Variants in ADAMTSL3 observed in about 807,000 individuals in gnomAD.
ADAMTSL3 encodes the protein ADAMTS-like protein 3.
ADAMTSL3 carries 128 observed loss-of-function variants against 201.7 expected under a neutral mutation model. The observed-to-expected ratio is 0.63, with a 90% CI of 0.55 to 0.73. ADAMTSL3 has a LOEUF of 0.73. Ranked by LOEUF, ADAMTSL3 falls within the 30% of genes least tolerant of loss-of-function variation. The pLI is 0.00. For synonymous variants in ADAMTSL3, 738 were observed against 748.4 expected, an observed-to-expected ratio of 0.99 and a Z score of 0.23; for missense variants, 1,990 against 2,119.6, an observed-to-expected ratio of 0.94 and a Z score of 1.20.
chr15:83,943,394 G>A (rs1280367732), intron 19 of ADAMTSL3, among the ~76,000 whole-genome samples: 1 of 152,118 alleles, frequency 6.6e-6, no homozygotes, highest in Non-Finnish European at 1.5e-5. Flanking sequence ...AATCACTTTG[G>A]TTCCTCTCTT....
At chr15:83,695,914 T>C (rs2061682357) in intron 2 of ADAMTSL3, among the ~76,000 whole-genome samples, 1 of 142,908 alleles carries the variant, frequency 7.0e-6, no homozygotes, top group Admixed American at 7.6e-5. Flanking sequence ...ATGTACATCA[T>C]GGTTTTTTTT....
chr15:83,870,728 A>G lies in ADAMTSL3; in HGVS notation c.803-74A>G, dbSNP rs1329638375. Reference sequence around the variant, plus strand: ...TTTTGATATCATATACTGACATTGTATTTGCTAAAATGTCTTTTGTAATAA... The same window carrying G: ...TTTTGATATCATATACTGACATTGTGTTTGCTAAAATGTCTTTTGTAATAA... On this transcript the variant is annotated intron_variant, in intron 8 of 29. Transcript: ENST00000286744. 3.1e-6 allele frequency: 4 copies of G among 1,280,276 alleles called. No individual in the cohort carries two copies. The African/African-American group carries it at 4.6e-5, about 15-fold the overall frequency. 79.3% of individuals were successfully genotyped at this position (1,280,276 alleles called of 1,614,324 possible).
At chr15:83,993,162 G>A (rs1005304629) in intron 23 of ADAMTSL3, among the ~76,000 whole-genome samples, 2 of 152,204 alleles carry the variant, frequency 1.3e-5, no homozygotes, top group Admixed American at 6.5e-5. Context: ...GAGTTTTCTA[G>A]GGAAATTCAT....
At chr15:83,926,049 TAAAC>T (rs1257958560) in intron 17 of ADAMTSL3, among the ~76,000 whole-genome samples, 3 of 152,190 alleles carry the variant, frequency 2.0e-5, no homozygotes, top group Non-Finnish European at 4.4e-5. Context: ...AGATGTTAAA[TAAAC>T]AGCGTCTCAA....
chr15:83,980,833 C>T (rs924523930), intron 20 of ADAMTSL3, among the ~76,000 whole-genome samples: 3 of 152,208 alleles, frequency 2.0e-5, no homozygotes, highest in Non-Finnish European at 4.4e-5. Flanking sequence ...CTTCAAAGGG[C>T]TCATGAGGCG....
At chr15:83,891,494 C>A (rs1262428172) in intron 12 of ADAMTSL3, 115 bp downstream of exon 12, 1 of 855,878 alleles carries the variant, frequency 1.2e-6, no homozygotes. Flanking sequence ...CTTTATAGAG[C>A]TAAGGGAAAA....
At chr15:83,836,642 A>G (rs1567178880) in intron 6 of ADAMTSL3, among the ~76,000 whole-genome samples, 1 of 152,212 alleles carries the variant, frequency 6.6e-6, no homozygotes, top group Non-Finnish European at 1.5e-5. Context: ...AAATAATAAC[A>G]TTGGCCCTTT....
intron 3 of ADAMTSL3, among the ~76,000 whole-genome samples, chr15:83,767,266 T>A (rs1230931246): frequency 6.6e-6 from 1 of 152,190 alleles, no homozygotes; most frequent in Non-Finnish European, 1.5e-5. Flanking sequence ...TGTGCATTAA[T>A]AATGGTTAAC....
At chr15:83,858,924 C>A in intron 8 of ADAMTSL3, 84 bp downstream of exon 8, 2 of 1,210,572 alleles carry the variant, frequency 1.7e-6, no homozygotes, top group Non-Finnish European at 2.4e-6. Context: ...AACCCACAAA[C>A]CAAACCAACA....
chr15:83,791,780 A>T (rs1399131005), intron 4 of ADAMTSL3, among the ~76,000 whole-genome samples: 1 of 151,962 alleles, frequency 6.6e-6, no homozygotes, highest in East Asian at 1.9e-4. Flanking sequence ...GAATGGCGTG[A>T]ACCCAGGAGG....
At chr15:83,836,229 T>TA (rs2064265568) in intron 6 of ADAMTSL3, among the ~76,000 whole-genome samples, 1 of 152,196 alleles carries the variant, frequency 6.6e-6, no homozygotes, top group African/African-American at 2.4e-5. Flanking sequence ...AGAGATCTCC[T>TA]AGACTATGAT....
At chr15:83,752,426 A>G (rs544597291) in intron 3 of ADAMTSL3, among the ~76,000 whole-genome samples, 1 of 152,330 alleles carries the variant, frequency 6.6e-6, no homozygotes, top group South Asian at 2.1e-4. Flanking sequence ...TAAATGATTA[A>G]TTTAATGTGT....
intron 6 of ADAMTSL3, among the ~76,000 whole-genome samples, chr15:83,829,820 C>T (rs534881380): frequency 5.9e-5 from 9 of 152,230 alleles, no homozygotes; most frequent in African/African-American, 2.2e-4. Context: ...GTTCAGTTTC[C>T]ATGTAGTTGA....
At chr15:83,933,305 A>G (rs900856266) in intron 17 of ADAMTSL3, among the ~76,000 whole-genome samples, 1 of 152,246 alleles carries the variant, frequency 6.6e-6, no homozygotes, top group Admixed American at 6.5e-5. Flanking sequence ...AAAAGAAAAC[A>G]AGAGGTGGCA....
At position 84,036,723 on chromosome 15, in the gene ADAMTSL3, C is replaced by T. The variant is rs143968952; in HGVS notation, c.4755-50C>T. The T allele has an allele frequency of 1.8e-5, 26 of 1,481,194 alleles. No individual in the cohort carries two copies. The East Asian group carries it at 6.0e-4, about 34-fold the overall frequency. The allele number at this position is 1,481,194 out of a possible 1,614,324, so 91.8% of individuals were successfully genotyped here. ...CTTGGTCCCAGCAAAAAGTTACACC[C>T]TGCCTCTCCTATTTTTTGTTTTTCC... On this transcript the variant is annotated intron_variant, in intron 28 of 29. Transcript: ENST00000286744.
chr15:83,982,542 C>G lies in ADAMTSL3; in HGVS notation c.2914C>G (p.Leu972Val). The G allele has an allele frequency of 6.2e-7, 1 of 1,614,228 alleles. No individual in the cohort carries two copies. Among genetic ancestry groups the G allele is most frequent in the Non-Finnish European group, 8.5e-7 (1 of 1,180,036 alleles). Residue 972 changes from leucine to valine, a missense_variant, in exon 21 of 30, where the codon CTT becomes GTT. Leu to Val is a conservative substitution (Grantham distance 32, BLOSUM62 1). Transcript: ENST00000286744. ...TKSGSLKIHGLAAPDIGVYRC... is the reference protein window; with the variant it reads ...TKSGSLKIHGVAAPDIGVYRC... ...GTCAGGCTCACTAAAAATCCATGGTCTTGCTGCCCCCGACATCGGCGTGTA... is the reference window on the plus strand; with the variant it reads ...GTCAGGCTCACTAAAAATCCATGGTGTTGCTGCCCCCGACATCGGCGTGTA...
At chr15:83,909,125 T>C (rs1336037415) in intron 15 of ADAMTSL3, among the ~76,000 whole-genome samples, 1 of 152,226 alleles carries the variant, frequency 6.6e-6, no homozygotes, top group East Asian at 1.9e-4. Context: ...TCTACTTACA[T>C]TTCTGACTCT....
At chr15:83,859,564 G>T (rs956203289) in intron 8 of ADAMTSL3, among the ~76,000 whole-genome samples, 1 of 152,162 alleles carries the variant, frequency 6.6e-6, no homozygotes, top group Non-Finnish European at 1.5e-5. Flanking sequence ...TCTGGCTATT[G>T]TTTTAATCCA....
intron 2 of ADAMTSL3, among the ~76,000 whole-genome samples, chr15:83,667,519 T>G (rs1313387234): frequency 2.1e-5 from 1 of 47,806 alleles, no homozygotes; most frequent in African/African-American, 8.8e-5. Flanking sequence ...TTATGAAGGT[T>G]TTTTTTTTTT....
Sources: gnomAD v4.1 joint callset for allele counts (sites outside exome capture counted in the v4.1 genomes callset) on GRCh38, gnomAD v4.1.1 for gene constraint, MANE v1.5 for transcripts, NCBI Gene and HGNC (gene_info 2026-07-23, HGNC 2026-07-21) for gene names.